The following SLC29A3 variants were observed in gnomAD, a reference collection of about 807,000 sequenced individuals.
SLC29A3 encodes equilibrative nucleoside transporter 3.
In SLC29A3, 18 loss-of-function variants were observed where a neutral mutation model predicts 25.4. The observed-to-expected ratio is 0.71, with a 90% CI of 0.49 to 1.05. The LOEUF (loss-of-function observed/expected upper bound fraction) is 1.05. SLC29A3 is among the 50% of genes least tolerant of loss of function. SLC29A3 has a pLI of 0.00. For synonymous variants in SLC29A3, 258 were observed against 267.1 expected (o/e 0.97, Z 0.33); for missense variants, 586 against 609.0 (o/e 0.96, Z 0.40).
chr10:71,322,435 C>T (rs1383134249), intron 1 of SLC29A3, among the ~76,000 whole-genome samples: 1 of 152,236 alleles, frequency 6.6e-6, no homozygotes, highest in East Asian at 1.9e-4. Context: ...GGTACATTGC[C>T]ACAGTCCCCA....
At position 71,362,186 on chromosome 10, in the gene SLC29A3, G is replaced by A. The variant is rs769377761; in HGVS notation, c.1006G>A (p.Gly336Ser). 3.5e-5 allele frequency: 56 copies of A among 1,613,986 alleles called. No homozygotes were observed. In the South Asian group the frequency reaches 5.6e-4, roughly 16 times the overall value. The change falls in exon 6 of 6, where the codon GGT becomes AGT. Residue 336 changes from glycine to serine, a missense_variant. Physicochemically the swap from Gly to Ser is moderately conservative, Grantham distance 56. Coordinates refer to ENST00000373189, the MANE Select transcript of SLC29A3 (RefSeq NM_018344.6). Reference protein sequence around the residue: ...ICTNIESLNKGSGSLWTTKFF... With the variant: ...ICTNIESLNKSSGSLWTTKFF... ...CACCAACATCGAGTCCCTCAACAAGGGTTCGGGCTCACTGTGGACCACCAA... is the reference window on the plus strand; with the variant it reads ...CACCAACATCGAGTCCCTCAACAAGAGTTCGGGCTCACTGTGGACCACCAA...
At chr10:71,339,866 C>T (rs1049019631) in intron 2 of SLC29A3, among the ~76,000 whole-genome samples, 3 of 152,156 alleles carry the variant, frequency 2.0e-5, no homozygotes, top group Admixed American at 6.5e-5. Context: ...CCATGCCCCC[C>T]AACACTTTGT....
intron 2 of SLC29A3, among the ~76,000 whole-genome samples, chr10:71,323,350 CATGTTCA>C (rs139097991): frequency 6.6e-6 from 1 of 152,348 alleles, no homozygotes; most frequent in Non-Finnish European, 1.5e-5. Context: ...ATTTTTCTCC[CATGTTCA>C]ATTCTGGTCG....
intron 4 of SLC29A3, among the ~76,000 whole-genome samples, chr10:71,376,337 A>G (rs1358193718): frequency 6.6e-6 from 1 of 152,232 alleles, no homozygotes; most frequent in Non-Finnish European, 1.5e-5. Context: ...GAAGACTTGA[A>G]GTGAAAATTG....
chr10:71,344,439 G>C (rs1846509412), intron 3 of SLC29A3, 148 bp downstream of exon 3: 1 of 706,516 alleles, frequency 1.4e-6, no homozygotes, highest in East Asian at 2.7e-5. Flanking sequence ...CATGAAGAGT[G>C]AGAAGTCAGA....
chr10:71,377,535 G>T (rs1039141641), intron 4 of SLC29A3, among the ~76,000 whole-genome samples: 1 of 152,230 alleles, frequency 6.6e-6, no homozygotes, highest in African/African-American at 2.4e-5. Context: ...CACAGCCAAT[G>T]CCCGCGCGGG....
intron 4 of SLC29A3, among the ~76,000 whole-genome samples, chr10:71,377,084 A>C (rs1311384620): frequency 6.6e-6 from 1 of 152,190 alleles, no homozygotes; most frequent in African/African-American, 2.4e-5. Flanking sequence ...TCTCAAGGTC[A>C]CTTGGCCCAG....
chr10:71,353,990 G>T (rs990890890), intron 4 of SLC29A3, among the ~76,000 whole-genome samples: 1 of 152,198 alleles, frequency 6.6e-6, no homozygotes, highest in African/African-American at 2.4e-5. Context: ...CAGCTGGGGA[G>T]TGTCTTACTG....
intron 1 of SLC29A3, among the ~76,000 whole-genome samples, chr10:71,321,329 A>G (rs1271593953): frequency 6.6e-6 from 1 of 152,226 alleles, no homozygotes; most frequent in Non-Finnish European, 1.5e-5. Context: ...ACCAGGGAAT[A>G]AAGGCCCCAG....
rs557366520 is a variant in SLC29A3 at position 71,341,457 on chromosome 10, C to T, written c.301-2752C>T. Among the ~76,000 whole-genome samples, 3 of 152,196 alleles carry T rather than the reference C, an allele frequency of 2.0e-5. No homozygotes were observed. The East Asian group carries it at 5.8e-4, about 29-fold the overall frequency. On this transcript the variant is annotated intron_variant, in intron 2 of 5. Coordinates refer to ENST00000373189, the MANE Select transcript of SLC29A3 (RefSeq NM_018344.6). ...GACTGGTGTGCTAACCCTCTGTGCC[C>T]CTCATGGGTGAGCACACTGCTCCTC...
At position 71,373,885 on chromosome 10, in the gene SLC29A3, C is replaced by T. The variant is rs944051248; in HGVS notation, c.*95-1810C>T. Among the ~76,000 whole-genome samples, 35 of 152,330 alleles carry T rather than the reference C, an allele frequency of 2.3e-4. 1 individual carries two copies. Among genetic ancestry groups the T allele is most frequent in the African/African-American group, 8.4e-4 (35 of 41,566 alleles). ...AAGGAATGGCTGTTTGCAAGGGGTG[C>T]AGAGTTGGGACTTATAGGTTGGGAT... On this transcript the variant is annotated intron_variant and NMD_transcript_variant, in intron 3 of 4. Transcript: ENST00000642772.
intron 2 of SLC29A3, among the ~76,000 whole-genome samples, chr10:71,333,888 C>T (rs1045198824): frequency 5.3e-5 from 8 of 152,228 alleles, no homozygotes; most frequent in African/African-American, 1.9e-4. Flanking sequence ...TGAGCCCTTA[C>T]TCTGCCTATT....
At chr10:71,375,117 T>C (rs1351322026) in intron 3 of SLC29A3, among the ~76,000 whole-genome samples, 5 of 152,342 alleles carry the variant, frequency 3.3e-5, no homozygotes, top group Admixed American at 3.3e-4. Flanking sequence ...CCCTATCAGA[T>C]ATTAGCTCTT....
chr10:71,377,899 T>A (rs913223507), intron 4 of SLC29A3, among the ~76,000 whole-genome samples: 1 of 152,022 alleles, frequency 6.6e-6, no homozygotes, highest in Non-Finnish European at 1.5e-5. Context: ...AGATTAAGCA[T>A]CTTGGCCAAA....
intron 3 of SLC29A3, among the ~76,000 whole-genome samples, chr10:71,349,854 C>T (rs947007522): frequency 7.9e-5 from 12 of 152,370 alleles, no homozygotes; most frequent in African/African-American, 2.6e-4. Context: ...TAGACATTGC[C>T]TCCAAATGGC....
rs1313693822 is a variant in SLC29A3 at position 71,322,427 on chromosome 10, T to C, written c.2-329T>C. ...CTTAGACCAGGTTTGCCTTTCTGGG[T>C]ACATTGCCACAGTCCCCACTATCAT... On this transcript the variant is annotated intron_variant, in intron 1 of 5. Transcript: ENST00000373189. Among the ~76,000 whole-genome samples the C allele has an allele frequency of 2.0e-5, 3 of 152,362 alleles. No individual in the cohort carries two copies. In the East Asian group the frequency reaches 5.8e-4, roughly 29 times the overall value.
intron 4 of SLC29A3, among the ~76,000 whole-genome samples, chr10:71,377,549 C>G (rs7907772): frequency 4.6e-5 from 7 of 152,070 alleles, no homozygotes; most frequent in Admixed American, 1.3e-4. Context: ...GCGCGGGGGC[C>G]GTCGGTAGTT....
At chr10:71,325,011 G>A in intron 2 of SLC29A3, among the ~76,000 whole-genome samples, 1 of 152,154 alleles carries the variant, frequency 6.6e-6, no homozygotes, top group Non-Finnish European at 1.5e-5. Flanking sequence ...TGAGAGCACG[G>A]GGAGGCAAGG....
downstream of SLC29A3, chr10:71,364,534 C>T (rs1847149747): frequency 6.6e-6 from 1 of 152,220 alleles, no homozygotes; most frequent in Admixed American, 6.5e-5. Context: ...AGACGAGGAG[C>T]TCTCTCTCAA....
Sources: gnomAD v4.1 joint callset for allele counts (sites outside exome capture counted in the v4.1 genomes callset) on GRCh38, gnomAD v4.1.1 for gene constraint, MANE v1.5 for transcripts, NCBI Gene and HGNC (gene_info 2026-07-23, HGNC 2026-07-21) for gene names.